Variants in IMMP2L observed in about 807,000 individuals in gnomAD.
The protein encoded by IMMP2L is mitochondrial inner membrane protease subunit 2.
IMMP2L carries 18 observed loss-of-function variants against 19.3 expected under a neutral mutation model. The observed-to-expected ratio is 0.93, with a 90% CI of 0.64 to 1.38. The LOEUF is 1.38. Among genes scored for constraint, IMMP2L ranks in the 40% most tolerant of loss-of-function variants. IMMP2L has a pLI of 0.00. For missense variants in IMMP2L, 233 were observed against 218.2 expected (o/e 1.07, Z -0.43); for synonymous variants, 76 against 73.0 (o/e 1.04, Z -0.21).
intron 3 of IMMP2L, among the ~76,000 whole-genome samples, chr7:111,158,044 C>T (rs1032357453): frequency 1.2e-4 from 19 of 152,004 alleles, no homozygotes; most frequent in African/African-American, 4.6e-4. Context: ...ATTAGCACTA[C>T]ATTTCTGTCA....
At chr7:110,670,684 C>T (rs370597888) in intron 5 of IMMP2L, among the ~76,000 whole-genome samples, 139 of 138,270 alleles carry the variant, frequency 1.0e-3, no homozygotes, top group African/African-American at 3.5e-3. Context: ...AGCAAGACTC[C>T]GTCTCAAAAA....
chr7:110,737,064 G>C (rs976951685), intron 5 of IMMP2L, among the ~76,000 whole-genome samples: 2 of 152,132 alleles, frequency 1.3e-5, no homozygotes, highest in African/African-American at 4.8e-5. Context: ...TAGGAGGCAG[G>C]ACTAGCTTGC....
chr7:111,198,699 A>G (rs938114436), intron 3 of IMMP2L, among the ~76,000 whole-genome samples: 2 of 152,142 alleles, frequency 1.3e-5, no homozygotes, highest in African/African-American at 4.8e-5. Flanking sequence ...TACTTTTGCA[A>G]ATGCTACTTC....
At chr7:111,145,361 CAATTTT>C (rs1178897242) in intron 3 of IMMP2L, among the ~76,000 whole-genome samples, 1 of 151,952 alleles carries the variant, frequency 6.6e-6, no homozygotes, top group Non-Finnish European at 1.5e-5. Context: ...TGTGCCTTTT[CAATTTT>C]ATCTTTGTAT....
intron 3 of IMMP2L, among the ~76,000 whole-genome samples, chr7:111,141,219 T>C (rs372312832): frequency 6.6e-6 from 1 of 152,238 alleles, no homozygotes; most frequent in Non-Finnish European, 1.5e-5. Flanking sequence ...ATACTTATAA[T>C]ACTAATGTTT....
chr7:111,556,016 A>ATGTG (rs1308276307), intron 1 of IMMP2L, among the ~76,000 whole-genome samples: 3,071 of 14,022 alleles, frequency 0.22, 247 homozygotes, highest in Middle Eastern at 0.36. Flanking sequence ...TTCTGTGTGC[A>ATGTG]TGTATATATA....
At chr7:111,502,014 A>C (rs958570499) in intron 2 of IMMP2L, among the ~76,000 whole-genome samples, 5 of 152,140 alleles carry the variant, frequency 3.3e-5, no homozygotes, top group African/African-American at 1.2e-4. Flanking sequence ...TCCAATTAAA[A>C]GACACAGACT....
intron 3 of IMMP2L, among the ~76,000 whole-genome samples, chr7:111,442,373 T>A (rs1837832764): frequency 6.6e-6 from 1 of 151,772 alleles, no homozygotes; most frequent in Admixed American, 6.6e-5. Context: ...GCCATTTCAA[T>A]CATTGGAAGT....
intron 3 of IMMP2L, among the ~76,000 whole-genome samples, chr7:111,466,366 C>A (rs1448478478): frequency 6.6e-6 from 1 of 151,988 alleles, no homozygotes; most frequent in Non-Finnish European, 1.5e-5. Context: ...CAAATTTAGT[C>A]GCTTTTTAGG....
At chr7:110,674,985 A>C (rs968816738) in intron 5 of IMMP2L, among the ~76,000 whole-genome samples, 2 of 152,152 alleles carry the variant, frequency 1.3e-5, no homozygotes, top group African/African-American at 4.8e-5. Context: ...ATTCATATCC[A>C]TTTGTTCCTG....
intron 3 of IMMP2L, among the ~76,000 whole-genome samples, chr7:110,981,468 C>T (rs754133706): frequency 1.3e-5 from 2 of 151,238 alleles, no homozygotes; most frequent in Non-Finnish European, 2.9e-5. Flanking sequence ...TATAACTATA[C>T]TCCTGGAGCA....
At chr7:111,504,209 C>A (rs1341324254) in intron 2 of IMMP2L, among the ~76,000 whole-genome samples, 1 of 152,076 alleles carries the variant, frequency 6.6e-6, no homozygotes, top group Non-Finnish European at 1.5e-5. Flanking sequence ...CATGAGTGAA[C>A]TACCATTCAC....
intron 3 of IMMP2L, among the ~76,000 whole-genome samples, chr7:111,466,767 A>ACATG (rs1449977082): frequency 1.3e-5 from 2 of 152,170 alleles, no homozygotes; most frequent in African/African-American, 4.8e-5. Context: ...AACTGTCTGT[A>ACATG]CTAAACATGT....
At chr7:111,389,877 G>A (rs532009105) in intron 3 of IMMP2L, among the ~76,000 whole-genome samples, 1 of 152,178 alleles carries the variant, frequency 6.6e-6, no homozygotes, top group East Asian at 1.9e-4. Flanking sequence ...AATTCTAAGG[G>A]CACTAAACAA....
At chr7:110,931,039 G>T (rs1815420692) in intron 4 of IMMP2L, among the ~76,000 whole-genome samples, 2 of 152,126 alleles carry the variant, frequency 1.3e-5, no homozygotes, top group African/African-American at 4.8e-5. Context: ...TTTTTCTGCA[G>T]GCTGAGGACA....
intron 4 of IMMP2L, among the ~76,000 whole-genome samples, chr7:110,895,921 T>C (rs535715407): frequency 6.6e-6 from 1 of 152,262 alleles, no homozygotes; most frequent in East Asian, 1.9e-4. Flanking sequence ...TGTAGAGTTG[T>C]CAGAATTTTA....
chr7:111,515,099 A>G (rs1299185788), intron 2 of IMMP2L, among the ~76,000 whole-genome samples: 1 of 152,044 alleles, frequency 6.6e-6, no homozygotes, highest in Non-Finnish European at 1.5e-5. Context: ...TCATTTTCTC[A>G]TGCAATATTT....
chr7:111,516,629 A>T (rs1338107835), intron 2 of IMMP2L, among the ~76,000 whole-genome samples: 1 of 152,102 alleles, frequency 6.6e-6, no homozygotes, highest in Non-Finnish European at 1.5e-5. Context: ...AAATCCACAA[A>T]GGGACATTAC....
At chr7:111,343,298 T>C (rs1327261630) in intron 3 of IMMP2L, among the ~76,000 whole-genome samples, 1 of 152,090 alleles carries the variant, frequency 6.6e-6, no homozygotes, top group Non-Finnish European at 1.5e-5. Context: ...TAACATGCCC[T>C]GCTCACTTCT....
Sources: allele counts gnomAD v4.1 joint callset (sites outside exome capture counted in the v4.1 genomes callset), GRCh38; gene constraint gnomAD v4.1.1; transcripts MANE v1.5; gene names NCBI Gene and HGNC (gene_info 2026-07-23, HGNC 2026-07-21).